The following SOD2 variants were observed in gnomAD, a reference collection of about 807,000 sequenced individuals.
SOD2 encodes the protein superoxide dismutase [Mn], mitochondrial.
A neutral mutation model predicts 27.0 loss-of-function variants in SOD2; 11 were observed. The observed-to-expected ratio is 0.41, with a 90% CI of 0.26 to 0.67. The LOEUF (loss-of-function observed/expected upper bound fraction) is 0.67, where lower values mean the gene tolerates loss of function less well. Among genes scored for constraint, SOD2 ranks in the 30% least tolerant of loss-of-function variants. The pLI is 0.34. For missense variants in SOD2, 250 were observed against 274.5 expected (o/e 0.91, Z 0.63); for synonymous variants, 105 against 103.0 (o/e 1.02, Z -0.12).
chr6:159,734,873 G>A (rs919502252), intron 1 of SOD2, among the ~76,000 whole-genome samples: 3 of 151,872 alleles, frequency 2.0e-5, no homozygotes, highest in Non-Finnish European at 1.5e-5. Flanking sequence ...GTATTTTAAT[G>A]TGGTGTTTAT....
In SOD2 at chr6:159,743,804, A is replaced by G. The variant is rs917707359; in HGVS notation, c.-116+1326T>C. 6.3e-6 allele frequency: 10 copies of G among 1,591,470 alleles called. No homozygotes were observed. The Middle Eastern group carries it at 1.0e-3, about 161-fold the overall frequency. On this transcript the variant is annotated intron_variant, in intron 1 of 3. Transcript: ENST00000537657. ...TGCAAGAGTGTACTGTAAGTATTTC[A>G]AGTTATATAAATGTCTTTAGTTGAG...
intron 1 of SOD2, chr6:159,741,899 C>T: frequency 2.1e-6 from 1 of 478,680 alleles, no homozygotes; most frequent in Non-Finnish European, 3.7e-6. Context: ...AGCCCAGACC[C>T]TGTTTGCGCC....
rs1342932620 is a variant in SOD2 at position 159,712,077 on chromosome 6, GACCTCCATAACC to G, written c.-116+15040_-116+15051del. ...TCCATAACCACCACTCGGCTGCTCA[GACCTCCATAACC>G]ACCTCCATAACCACCACTCAGCTGC... is the stretch of plus-strand genomic sequence containing the variant. On this transcript the variant is annotated intron_variant, in intron 1 of 2. Transcript: ENST00000401980. Among the ~76,000 whole-genome samples the G allele has an allele frequency of 4.2e-4, 12 of 28,760 alleles. 2 individuals are homozygous for G. Among genetic ancestry groups the G allele is most frequent in the Admixed American group, 5.8e-4 (1 of 1,732 alleles). The allele number at this position is 28,760 out of a possible 152,430, so 18.9% of individuals were successfully genotyped here.
rs536680620 is a variant in SOD2 at position 159,671,692 on chromosome 6, C to T, written c.*10801G>A. ...TTCTAAAAATCAGAGCGCCTCTCCC[C>T]CTCCAAAGGAACATAGCTCCTTGCC... On this transcript the variant is annotated 3_prime_UTR_variant, in exon 5 of 5. Coordinates refer to ENST00000538183, the MANE Select transcript of SOD2 (RefSeq NM_000636.4). The T allele has an allele frequency of 4.6e-5, 7 of 152,296 alleles. No homozygotes were observed. In the South Asian group the frequency reaches 1.0e-3, roughly 23 times the overall value. The allele number at this position is 152,296 out of a possible 1,614,324, so 9.4% of individuals were successfully genotyped here.
At position 159,717,017 on chromosome 6, in the gene SOD2, T is replaced by C. The variant is rs1777932636; in HGVS notation, c.-116+10112A>G. Among the ~76,000 whole-genome samples, 5 of 152,222 alleles carry C rather than the reference T, an allele frequency of 3.3e-5. No individual in the cohort carries two copies. The South Asian group carries it at 1.0e-3, about 32-fold the overall frequency. On this transcript the variant is annotated intron_variant, in intron 1 of 2. Coordinates refer to the SOD2 transcript ENST00000401980. ...CTAGTCATTCTGGCATGCTAAATCC[T>C]TTTCAGAAAGCTGCTATTATTTGTA...
intron 1 of SOD2, chr6:159,726,798 C>A: frequency 7.8e-7 from 1 of 1,289,166 alleles, no homozygotes; most frequent in Non-Finnish European, 1.0e-6. Flanking sequence ...CAGGAGACTG[C>A]GCCTCACGAC....
At chr6:159,756,177 G>A (rs1170123520) in intron 1 of SOD2, 1 of 152,642 alleles carries the variant, frequency 6.6e-6, no homozygotes, top group Non-Finnish European at 1.5e-5. Flanking sequence ...TTCTCTTTAG[G>A]TGACTGTTTA....
At position 159,738,836 on chromosome 6, in the gene SOD2, A is replaced by C. The variant is rs572102224; in HGVS notation, c.-116+6294T>G. 4.6e-5 allele frequency among the ~76,000 whole-genome samples: 7 copies of C among 152,306 alleles called. No individual in the cohort carries two copies. In the South Asian group the frequency reaches 1.4e-3, roughly 32 times the overall value. On this transcript the variant is annotated intron_variant, in intron 1 of 3. Transcript: ENST00000537657. ...AGATACCAAATAGTTTACCTTAAAA[A>C]AAAAAAACTTTTGTAATAAAATACT...
chr6:159,752,213 C>T (rs950839406), intron 1 of SOD2, among the ~76,000 whole-genome samples: 2 of 152,152 alleles, frequency 1.3e-5, no homozygotes, highest in African/African-American at 4.8e-5. Context: ...GAAGGAAAGA[C>T]TAGAATTTAA....
At chr6:159,692,981 G>A (rs1222897479) in intron 1 of SOD2, 118 bp from the exon 2 acceptor site, 36 of 1,348,696 alleles carry the variant, frequency 2.7e-5, no homozygotes, top group Non-Finnish European at 3.3e-5. Flanking sequence ...CCTCCCTGCG[G>A]ATCCCCGCTC....
chr6:159,749,784 T>A (rs1027144923), upstream of SOD2, among the ~76,000 whole-genome samples: 3 of 152,212 alleles, frequency 2.0e-5, no homozygotes, highest in African/African-American at 7.2e-5. Context: ...TCTAGCAAAT[T>A]CATTTAATCA....
chr6:159,679,293 G>A lies in SOD2; in HGVS notation c.*3200C>T, dbSNP rs903764582. The A allele has an allele frequency of 8.3e-4, 126 of 152,294 alleles. No homozygotes were observed. The highest frequency in any genetic ancestry group is 2.9e-3 in the African/African-American group (121 of 41,564). The allele number at this position is 152,294 out of a possible 1,614,324, so 9.4% of individuals were successfully genotyped here. A position where few individuals can be genotyped will look rare whatever the true frequency, so the allele number is the denominator to read the frequency against. ...ACATTATCTTGCTGGGATCATTAGG[G>A]TATGACTGAAAGTGAGAAACAGTAA... On this transcript the variant is annotated 3_prime_UTR_variant, in exon 5 of 5. Coordinates refer to ENST00000538183, the MANE Select transcript of SOD2 (RefSeq NM_000636.4).
At chr6:159,739,062 T>A (rs755211603) in intron 1 of SOD2, 2 of 1,602,206 alleles carry the variant, frequency 1.2e-6, no homozygotes, top group Non-Finnish European at 1.7e-6. Flanking sequence ...TGTTCTCTGT[T>A]CAAAAACAAA....
exon 1 of SOD2, chr6:159,727,201 G>C (rs1778222690): frequency 8.1e-7 from 1 of 1,238,886 alleles, no homozygotes; most frequent in South Asian, 1.3e-5. Flanking sequence ...TGTTACCGGG[G>C]AGCAGCTGCT....
At chr6:159,709,017 A>G (rs1215743623) in intron 1 of SOD2, among the ~76,000 whole-genome samples, 2 of 152,238 alleles carry the variant, frequency 1.3e-5, no homozygotes, top group Non-Finnish European at 2.9e-5. Flanking sequence ...CAATGGGGAA[A>G]GGATTCCCTA....
chr6:159,731,366 G>A (rs1778560120), upstream of SOD2, among the ~76,000 whole-genome samples: 1 of 151,964 alleles, frequency 6.6e-6, no homozygotes, highest in Non-Finnish European at 1.5e-5. Flanking sequence ...TACAAAGGAG[G>A]CTGAGGCAAG....
At chr6:159,729,894 A>G (rs1778464140), upstream of SOD2, among the ~76,000 whole-genome samples, 1 of 152,202 alleles carries the variant, frequency 6.6e-6, no homozygotes, top group Non-Finnish European at 1.5e-5. Context: ...TATGATGCTA[A>G]GAGCCAGGAA....
At chr6:159,685,597 T>C (rs1780152846) in intron 3 of SOD2, among the ~76,000 whole-genome samples, 2 of 152,100 alleles carry the variant, frequency 1.3e-5, no homozygotes, top group African/African-American at 4.8e-5. Context: ...ACGGGTATCA[T>C]ATGATGCTGA....
intron 1 of SOD2, among the ~76,000 whole-genome samples, chr6:159,710,475 G>T (rs1777713207): frequency 6.6e-6 from 1 of 151,940 alleles, no homozygotes; most frequent in Admixed American, 6.6e-5. Flanking sequence ...AAAGACGACA[G>T]AGAAGCTGAC....
Sources: gnomAD v4.1 joint callset for allele counts (sites outside exome capture counted in the v4.1 genomes callset) on GRCh38, gnomAD v4.1.1 for gene constraint, MANE v1.5 for transcripts, NCBI Gene and HGNC (gene_info 2026-07-23, HGNC 2026-07-21) for gene names.